The following AOAH variants were observed in gnomAD, a reference collection of about 807,000 sequenced individuals.
AOAH encodes acyloxyacyl hydrolase (neutrophil).
A neutral mutation model predicts 92.2 loss-of-function variants in AOAH; 64 were observed. The ratio of observed to expected loss-of-function variants is 0.69; its 90% confidence interval spans 0.57 to 0.86. The LOEUF (loss-of-function observed/expected upper bound fraction) is 0.86, where lower values mean the gene tolerates loss of function less well. Among genes scored for constraint, AOAH ranks in the 40% least tolerant of loss-of-function variants. The pLI, the probability that AOAH is intolerant of heterozygous loss-of-function variation, is 0.00. For synonymous variants in AOAH, 263 were observed against 254.5 expected (o/e 1.03, Z -0.32); for missense variants, 656 against 694.6 (o/e 0.94, Z 0.62).
At chr7:36,577,537 A>T (rs573539862) in intron 12 of AOAH, among the ~76,000 whole-genome samples, 60 of 152,254 alleles carry the variant, frequency 3.9e-4, no homozygotes, top group Non-Finnish European at 3.2e-4. Context: ...CTGTTCCTTG[A>T]ATCTAATACT....
At chr7:36,543,897 T>C (rs1199561510) in intron 15 of AOAH, among the ~76,000 whole-genome samples, 1 of 151,976 alleles carries the variant, frequency 6.6e-6, no homozygotes, top group African/African-American at 2.4e-5. Context: ...GGCTTTTGAC[T>C]TCTGTCCCTG....
intron 13 of AOAH, among the ~76,000 whole-genome samples, chr7:36,558,706 C>T (rs1353247488): frequency 6.6e-6 from 1 of 152,270 alleles, no homozygotes; most frequent in Non-Finnish European, 1.5e-5. Flanking sequence ...AGCCTCGCTG[C>T]TGCCTTGCAG....
At position 36,565,536 on chromosome 7, in the gene AOAH, CT is replaced by C. The variant is rs200870748; in HGVS notation, c.1021+11037del. Among the ~76,000 whole-genome samples the C allele has an allele frequency of 9.9e-3, 1,418 of 143,836 alleles. 8 individuals are homozygous for C. Among genetic ancestry groups the C allele is most frequent in the African/African-American group, 0.027 (1,070 of 39,372 alleles). The allele number at this position is 143,836 out of a possible 152,430, so 94.4% of individuals were successfully genotyped here. A position where few individuals can be genotyped will look rare whatever the true frequency, so the allele number is the denominator to read the frequency against. On this transcript the variant is annotated intron_variant, in intron 13 of 20. Coordinates refer to ENST00000617537, the MANE Select transcript of AOAH (RefSeq NM_001637.4). ...CCAGATTATCTATATGTAAACATCT[CT>C]TTTTTTTTTTTTTGAGACAGGGTCT... is the stretch of plus-strand genomic sequence containing the variant.
At position 36,620,825 on chromosome 7, in the gene AOAH, T is replaced by C; in HGVS notation, c.658A>G (p.Asn220Asp). ...GAATCCTGATGGACATCCCAGTTGT[T>C]CGGCCTAAGAAAAAAACATTAACAT... ...DESVYPGRRPNNWDVHQDSNC... is the reference protein window; with the variant it reads ...DESVYPGRRPDNWDVHQDSNC... The change falls in exon 9 of 21, where the codon AAC (asparagine) becomes GAC (aspartate). Residue 220 changes from asparagine to aspartate, a missense_variant. Coordinates refer to ENST00000617537, the MANE Select transcript of AOAH (RefSeq NM_001637.4). 1 of 1,613,968 alleles carries C rather than the reference T, an allele frequency of 6.2e-7. No homozygotes were observed. The highest frequency in any genetic ancestry group is 1.3e-5 in the African/African-American group (1 of 75,046).
At chr7:36,601,515 T>C (rs1239672312) in intron 11 of AOAH, among the ~76,000 whole-genome samples, 1 of 152,246 alleles carries the variant, frequency 6.6e-6, no homozygotes, top group African/African-American at 2.4e-5. Context: ...ACTTCCCATC[T>C]GGGTAACCTG....
intron 9 of AOAH, among the ~76,000 whole-genome samples, chr7:36,620,540 G>T (rs1007204239): frequency 5.3e-5 from 8 of 152,228 alleles, no homozygotes; most frequent in African/African-American, 1.9e-4. Flanking sequence ...AAAGGGATTA[G>T]ATGTGGGTGA....
chr7:36,677,400 T>C (rs748552925), intron 2 of AOAH, among the ~76,000 whole-genome samples: 4 of 152,194 alleles, frequency 2.6e-5, no homozygotes, highest in Non-Finnish European at 5.9e-5. Flanking sequence ...CAACTTCATG[T>C]CCACTATAAT....
In AOAH at chr7:36,540,350, C is replaced by A. The variant is rs2116186696; in HGVS notation, c.1275G>T (p.Trp425Cys). The A allele has an allele frequency of 1.2e-6, 2 of 1,612,144 alleles. No individual in the cohort carries two copies. Among genetic ancestry groups the A allele is most frequent in the East Asian group, 2.2e-5 (1 of 44,814 alleles). Residue 425 changes from tryptophan (W) to cysteine (C), a missense_variant, in exon 16 of 21, where the codon TGG (tryptophan) becomes TGT (cysteine). Physicochemically the swap from Trp to Cys is radical, Grantham distance 215. Coordinates refer to ENST00000617537, the MANE Select transcript of AOAH (RefSeq NM_001637.4). ...GATGATATCTGTTGTGCAAATTATC[C>A]CAGAGAAAGGTTCCATCTGGTAAGC... ...LYGLPDGTFL[W>C]DNLHNRYHPL...
chr7:36,623,165 T>A, intron 7 of AOAH, 25 bp downstream of exon 7: 1 of 1,595,882 alleles, frequency 6.3e-7, no homozygotes, highest in Non-Finnish European at 8.6e-7. Flanking sequence ...TTAGTGAACA[T>A]CTGGTTATTC....
chr7:36,715,139 A>T (rs1799047149), intron 1 of AOAH, among the ~76,000 whole-genome samples: 1 of 152,212 alleles, frequency 6.6e-6, no homozygotes, highest in Admixed American at 6.5e-5. Flanking sequence ...GTCTCAGGAT[A>T]CAAAATCAAT....
At chr7:36,685,664 A>T (rs965285314) in intron 2 of AOAH, among the ~76,000 whole-genome samples, 4 of 152,160 alleles carry the variant, frequency 2.6e-5, no homozygotes, top group Non-Finnish European at 4.4e-5. Flanking sequence ...CCTTCTAGGG[A>T]GGTGGGGCAG....
intron 11 of AOAH, among the ~76,000 whole-genome samples, chr7:36,597,539 G>A (rs923039252): frequency 3.9e-5 from 6 of 152,206 alleles, no homozygotes; most frequent in African/African-American, 1.4e-4. Context: ...CTTGCGAGAT[G>A]CAGGCAGAAT....
intron 11 of AOAH, among the ~76,000 whole-genome samples, chr7:36,598,674 G>C (rs1790317904): frequency 6.6e-6 from 1 of 152,122 alleles, no homozygotes; most frequent in Non-Finnish European, 1.5e-5. Flanking sequence ...AAAGGTTTGA[G>C]CACACTAATA....
intron 20 of AOAH, among the ~76,000 whole-genome samples, chr7:36,517,945 CCACACACACACACA>C (rs1292173983): frequency 8.7e-5 from 1 of 11,498 alleles, no homozygotes; most frequent in Non-Finnish European, 2.1e-4. Flanking sequence ...ACACACACAC[CCACACACACACACA>C]CACACACACA....
chr7:36,677,026 T>G (rs1225069271), intron 2 of AOAH, among the ~76,000 whole-genome samples: 1 of 151,892 alleles, frequency 6.6e-6, no homozygotes, highest in African/African-American at 2.4e-5. Flanking sequence ...TTAGGCAACG[T>G]TTTCTTAGAT....
At chr7:36,662,849 T>C (rs1795300804) in intron 3 of AOAH, among the ~76,000 whole-genome samples, 1 of 152,186 alleles carries the variant, frequency 6.6e-6, no homozygotes, top group Non-Finnish European at 1.5e-5. Context: ...GTGGTGTCCC[T>C]CTAGGTCCTC....
rs1340745266 is a variant in AOAH at position 36,620,749 on chromosome 7, G to C, written c.702+32C>G. The C allele has an allele frequency of 1.9e-6, 3 of 1,608,796 alleles. No individual in the cohort carries two copies. In the East Asian group the frequency reaches 6.7e-5, roughly 36 times the overall value. On this transcript the variant is annotated intron_variant, in intron 9 of 20. Coordinates refer to ENST00000617537, the MANE Select transcript of AOAH (RefSeq NM_001637.4). The stretch of plus-strand genomic sequence containing the variant: ...CTTTAGGGGAGGGAGGAACAAAGGA[G>C]AATGGGGTTCAAGCTGAATTTAGTT...
intron 1 of AOAH, among the ~76,000 whole-genome samples, chr7:36,710,680 C>T (rs78820062): frequency 1.1e-3 from 168 of 152,256 alleles, no homozygotes; most frequent in African/African-American, 3.9e-3. Flanking sequence ...GTGCAATCTT[C>T]CTTTATAAAT....
chr7:36,519,125 C>A (rs1583712928), intron 20 of AOAH, among the ~76,000 whole-genome samples: 1 of 152,194 alleles, frequency 6.6e-6, no homozygotes, highest in South Asian at 2.1e-4. Context: ...ACACGTTGGG[C>A]TATTTCTTTC....
Sources: allele counts gnomAD v4.1 joint callset (sites outside exome capture counted in the v4.1 genomes callset), GRCh38; gene constraint gnomAD v4.1.1; transcripts MANE v1.5; gene names NCBI Gene and HGNC (gene_info 2026-07-23, HGNC 2026-07-21).